The following GSDMA variants were observed in gnomAD, a reference collection of about 807,000 sequenced individuals.
GSDMA encodes gasdermin A.
Under a neutral mutation model 54.3 loss-of-function variants are expected in GSDMA, and 55 were observed. That is an observed-to-expected ratio of 1.01 (90% CI 0.82 to 1.27). The LOEUF is 1.27. Among genes scored for constraint, GSDMA ranks in the 50% most tolerant of loss-of-function variants. GSDMA has a pLI of 0.00. For synonymous variants in GSDMA, 211 were observed against 224.7 expected (o/e 0.94, Z 0.54); for missense variants, 542 against 542.6 (o/e 1.00, Z 0.01).
chr17:39,975,496 G>C (rs1387891608), intron 10 of GSDMA, among the ~76,000 whole-genome samples: 1 of 151,930 alleles, frequency 6.6e-6, no homozygotes, highest in African/African-American at 2.4e-5. Context: ...TGGTCACATT[G>C]GGTAGTCTGA....
At chr17:39,965,956 A>T in intron 2 of GSDMA, 55 bp downstream of exon 2, 2 of 1,480,798 alleles carry the variant, frequency 1.4e-6, no homozygotes, top group South Asian at 2.4e-5. Context: ...GGGGCTGGGC[A>T]CCTGGCCTGC....
At chr17:39,966,519 AGG>A in intron 3 of GSDMA, 82 bp downstream of exon 3, 1 of 1,276,012 alleles carries the variant, frequency 7.8e-7, no homozygotes, top group East Asian at 2.4e-5. Context: ...TTGAGCTGAA[AGG>A]TAGGACCCTT....
At chr17:39,963,341 G>C (rs1420077331) in intron 1 of GSDMA, among the ~76,000 whole-genome samples, 1 of 8,024 alleles carries the variant, frequency 1.2e-4, no homozygotes, top group African/African-American at 8.4e-4. Context: ...CCAGGAATGA[G>C]GGTGAAAAAA....
chr17:39,965,598 C>A, intron 1 of GSDMA, 85 bp from the exon 2 acceptor site: 1 of 966,466 alleles, frequency 1.0e-6, no homozygotes, highest in Non-Finnish European at 1.6e-6. Context: ...GGTAAACTCT[C>A]TCTGCAGGGG....
Position 39,965,566 on chromosome 17 carries a change from A to T in GSDMA, c.-5-117A>T. On this transcript the variant is annotated intron_variant, in intron 1 of 11. Transcript: ENST00000301659. ...ATGAGACAATCCAGGCATCTCTAAG[A>T]GCTCCTCCTGCCTCAGAGCCGGGTA... 1.0e-5 allele frequency: 7 copies of T among 696,432 alleles called. No individual in the cohort carries two copies. In the South Asian group the frequency reaches 1.2e-4, roughly 12 times the overall value. 43.1% of individuals were successfully genotyped at this position (696,432 alleles called of 1,614,324 possible). A position where few individuals can be genotyped will look rare whatever the true frequency, so the allele number is the denominator to read the frequency against.
chr17:39,974,522 C>CGGG, intron 9 of GSDMA, 95 bp downstream of exon 9: 1 of 1,352,148 alleles, frequency 7.4e-7, no homozygotes, highest in East Asian at 2.5e-5. Context: ...GGAGATCTGA[C>CGGG]GGGGGCAGGA....
chr17:39,971,717 A>G, intron 5 of GSDMA, 97 bp downstream of exon 5: 1 of 851,454 alleles, frequency 1.2e-6, no homozygotes, highest in Non-Finnish European at 1.9e-6. Context: ...TCAGAGAATG[A>G]GTAGGGGGGT....
Position 39,971,620 on chromosome 17 carries a change from G to C in GSDMA, c.655G>C (p.Asp219His). 1 of 1,610,596 alleles carries C rather than the reference G, an allele frequency of 6.2e-7. No individual in the cohort carries two copies. The change falls in exon 5 of 12, where the codon GAT (aspartate) becomes CAT (histidine). Residue 219 changes from aspartate to histidine, a missense_variant and splice_region_variant. Physicochemically the swap from Asp to His is moderately conservative, Grantham distance 81. Coordinates refer to ENST00000301659, the MANE Select transcript of GSDMA (RefSeq NM_178171.5). ...GATGGTCAAAGGCAAAGATGAGTGG[G>C]GTGAGCAGAGACCCGCATGTTCTCC... ...QLMVKGKDEW[D>H]IPHICNDNMQ...
At chr17:39,972,108 T>TTC in intron 5 of GSDMA, 21 bp from the exon 6 acceptor site, 2 of 359,756 alleles carry the variant, frequency 5.6e-6, no homozygotes, top group Non-Finnish European at 1.1e-5. Context: ...CCTCCCACCC[T>TTC]CCCTCCCTTG....
chr17:39,977,084 CT>C lies in GSDMA; in HGVS notation c.*27del. ...TTTGCCTTTTACGTCTGCTTCATGA[CT>C]CCCTAATGCCTTCCCAACCTCGTGG... On this transcript the variant is annotated 3_prime_UTR_variant, in exon 12 of 12. Transcript: ENST00000301659. The C allele has an allele frequency of 6.2e-7, 1 of 1,611,484 alleles. No homozygotes were observed. Among genetic ancestry groups the C allele is most frequent in the Non-Finnish European group, 8.5e-7 (1 of 1,178,264 alleles).
intron 7 of GSDMA, among the ~76,000 whole-genome samples, chr17:39,973,086 C>T (rs1980030632): frequency 6.6e-6 from 1 of 152,156 alleles, no homozygotes; most frequent in Non-Finnish European, 1.5e-5. Context: ...ATTCTCCTGC[C>T]TCAGCCTCCG....
chr17:39,966,381 T>C lies in GSDMA; in HGVS notation c.336T>C (p.Thr112=), dbSNP rs1979665661. 1.9e-6 allele frequency: 3 copies of C among 1,613,488 alleles called. No individual in the cohort carries two copies. The African/African-American group carries it at 4.0e-5, about 22-fold the overall frequency. ...KGTAGLSQNS[T]LEVQTLSVAP... ...CGGCAGGGCTCTCGCAGAACAGCAC[T>C]CTGGAGGTCCAGACACTCAGTGTGG... The change falls in exon 3 of 12, where the codon ACT becomes ACC. Residue 112 remains threonine, a synonymous_variant. Transcript: ENST00000301659.
Position 39,965,908 on chromosome 17 carries a change from C to T in GSDMA, c.214+7C>T. The T allele has an allele frequency of 1.3e-6, 2 of 1,550,956 alleles. No homozygotes were observed. The highest frequency in any genetic ancestry group is 1.7e-6 in the Non-Finnish European group (2 of 1,147,208). On this transcript the variant is annotated splice_region_variant and intron_variant, in intron 2 of 11. Transcript: ENST00000301659. ...CCCGGCAGCTCACCTTCAGGTCAGC[C>T]TCAAGCGGGGCTGGGAACTGAGGGA...
chr17:39,963,736 C>A (rs558189654), intron 1 of GSDMA, among the ~76,000 whole-genome samples: 1 of 152,296 alleles, frequency 6.6e-6, no homozygotes, highest in East Asian at 1.9e-4. Context: ...CGCCTGTAAT[C>A]CCAGCTACCT....
rs548432489 is a variant in GSDMA, at chr17:39,968,374, G to A, written c.392+1937G>A. On this transcript the variant is annotated intron_variant, in intron 3 of 11. Transcript: ENST00000301659. ...TTTTTTTTTTTTTTTTTGAGACGGA[G>A]TCTCTCTCTGTTGCACAGGCTGGAG... 3.6e-3 allele frequency among the ~76,000 whole-genome samples: 283 copies of A among 78,932 alleles called. 1 individual carries two copies. Among genetic ancestry groups the A allele is most frequent in the African/African-American group, 0.024 (260 of 10,748 alleles). 51.8% of individuals were successfully genotyped at this position (78,932 alleles called of 152,430 possible).
intron 7 of GSDMA, among the ~76,000 whole-genome samples, chr17:39,973,564 GAAAA>G (rs34114516): frequency 1.4e-5 from 2 of 144,410 alleles, no homozygotes; most frequent in African/African-American, 5.1e-5. Context: ...GCCTGGCCTA[GAAAA>G]AAAAAAAAAA....
chr17:39,967,889 G>A (rs1019063324), intron 3 of GSDMA, among the ~76,000 whole-genome samples: 4 of 148,860 alleles, frequency 2.7e-5, no homozygotes, highest in African/African-American at 5.0e-5. Context: ...ATGGAGTCTC[G>A]CTCTGTCGCC....
intron 4 of GSDMA, among the ~76,000 whole-genome samples, chr17:39,971,134 T>C (rs544315698): frequency 2.0e-5 from 3 of 152,282 alleles, no homozygotes; most frequent in African/African-American, 7.2e-5. Context: ...GGGTTAGTCA[T>C]GGAAGGCGTC....
At chr17:39,965,417 A>G (rs1385993111) in intron 1 of GSDMA, 2 of 471,192 alleles carry the variant, frequency 4.2e-6, no homozygotes, top group Non-Finnish European at 7.7e-6. Flanking sequence ...AATGCCCTTG[A>G]CAAAGAAAAG....
Sources: allele counts gnomAD v4.1 joint callset (sites outside exome capture counted in the v4.1 genomes callset), GRCh38; gene constraint gnomAD v4.1.1; transcripts MANE v1.5; gene names NCBI Gene and HGNC (gene_info 2026-07-23, HGNC 2026-07-21).